NDUFAF6: variants seen among roughly 807,000 people sequenced by gnomAD.
NDUFAF6 encodes NADH dehydrogenase (ubiquinone) complex I, assembly factor 6.
Under a neutral mutation model 40.8 loss-of-function variants are expected in NDUFAF6, and 45 were observed. The observed-to-expected ratio is 1.10, with a 90% CI of 0.87 to 1.42. The LOEUF (loss-of-function observed/expected upper bound fraction) is 1.42, where lower values mean the gene tolerates loss of function less well. NDUFAF6 is among the 40% of genes most tolerant of loss of function. The pLI, the probability that NDUFAF6 is intolerant of heterozygous loss-of-function variation, is 0.00. For missense variants in NDUFAF6, 435 were observed against 418.5 expected (o/e 1.04, Z -0.34); for synonymous variants, 185 against 155.9 (o/e 1.19, Z -1.39).
chr8:94,964,289 C>T (rs1452148271), intron 1 of NDUFAF6, among the ~76,000 whole-genome samples: 4 of 151,942 alleles, frequency 2.6e-5, no homozygotes, highest in African/African-American at 4.8e-5. Context: ...ATTAGCTGGG[C>T]ATGATGGCAC....
chr8:95,097,881 A>G (rs1369451081), upstream of NDUFAF6, among the ~76,000 whole-genome samples: 1 of 152,228 alleles, frequency 6.6e-6, no homozygotes, highest in East Asian at 1.9e-4. Context: ...CAAATTCCTC[A>G]TCTGTGGCTA....
At position 95,043,724 on chromosome 8, in the gene NDUFAF6, T is replaced by A. The variant is rs183709272; in HGVS notation, c.478-1821T>A. Among the ~76,000 whole-genome samples the A allele has an allele frequency of 2.4e-4, 36 of 152,296 alleles. 2 individuals are homozygous for A. The East Asian group carries it at 6.9e-3, about 29-fold the overall frequency. ...TGGCTGTGATAAAAAAGAAAAAAGATGCACGATAACAAGTATTGGTGAGAA... is the reference window on the plus strand; with the variant it reads ...TGGCTGTGATAAAAAAGAAAAAAGAAGCACGATAACAAGTATTGGTGAGAA... On this transcript the variant is annotated intron_variant, in intron 4 of 8. Transcript: ENST00000396124.
intron 2 of NDUFAF6, among the ~76,000 whole-genome samples, chr8:95,083,187 A>T (rs1403871873): frequency 6.6e-6 from 1 of 152,150 alleles, no homozygotes; most frequent in Non-Finnish European, 1.5e-5. Context: ...TGATGCTAAA[A>T]TTTTTTTGAT....
At chr8:94,974,784 G>T in intron 1 of NDUFAF6, 1 of 175,262 alleles carries the variant, frequency 5.7e-6, no homozygotes, top group Admixed American at 5.6e-5. Flanking sequence ...CAGTAGCCAA[G>T]CCTTTCCTTG....
At chr8:95,070,711 A>G (rs181816747) in intron 9 of NDUFAF6, among the ~76,000 whole-genome samples, 15 of 152,322 alleles carry the variant, frequency 9.8e-5, no homozygotes, top group Non-Finnish European at 2.1e-4. Flanking sequence ...ATATACTAAA[A>G]CCATTAACGT....
At chr8:95,096,973 AG>A (rs1288771734), upstream of NDUFAF6, among the ~76,000 whole-genome samples, 1 of 152,250 alleles carries the variant, frequency 6.6e-6, no homozygotes, top group Admixed American at 6.5e-5. Flanking sequence ...GGGGCTAGGC[AG>A]GGACCTCTAG....
At chr8:94,948,848 C>G (rs1822265426) in intron 2 of NDUFAF6, among the ~76,000 whole-genome samples, 1 of 152,010 alleles carries the variant, frequency 6.6e-6, no homozygotes, top group African/African-American at 2.4e-5. Context: ...AGGCAGAGAC[C>G]AAACTCCCAA....
chr8:95,108,183 T>G (rs1587284480), downstream of NDUFAF6, among the ~76,000 whole-genome samples: 3 of 152,072 alleles, frequency 2.0e-5, no homozygotes, highest in African/African-American at 7.2e-5. Context: ...AAATATAGAA[T>G]TACAATTTTA....
chr8:94,934,170 G>A (rs1053265167), intron 1 of NDUFAF6, among the ~76,000 whole-genome samples: 1 of 151,122 alleles, frequency 6.6e-6, no homozygotes, highest in Non-Finnish European at 1.5e-5. Context: ...ACACAATCTG[G>A]AAGGATATAC....
chr8:94,911,206 T>C (rs1204713161), intron 1 of NDUFAF6, among the ~76,000 whole-genome samples: 5 of 152,214 alleles, frequency 3.3e-5, no homozygotes, highest in African/African-American at 1.2e-4. Flanking sequence ...TGTGATTCTT[T>C]AATAAAGTGA....
intron 1 of NDUFAF6, among the ~76,000 whole-genome samples, chr8:94,973,436 C>G (rs112105011): frequency 6.6e-6 from 1 of 151,898 alleles, no homozygotes; most frequent in Non-Finnish European, 1.5e-5. Context: ...GGGCTGGGTG[C>G]GGTGGCTCAC....
chr8:95,114,387 G>A (rs1253248344), intron 4 of NDUFAF6, among the ~76,000 whole-genome samples: 1 of 152,210 alleles, frequency 6.6e-6, no homozygotes. Flanking sequence ...AGCAGCTGGT[G>A]CTGTGAGTTC....
intron 1 of NDUFAF6, among the ~76,000 whole-genome samples, chr8:94,906,842 C>A (rs1267483856): frequency 6.6e-6 from 1 of 152,172 alleles, no homozygotes; most frequent in Non-Finnish European, 1.5e-5. Flanking sequence ...TGTGCTTTAT[C>A]TATTTGTATA....
chr8:95,025,314 T>C, intron 1 of NDUFAF6, 109 bp downstream of exon 1: 1 of 1,135,886 alleles, frequency 8.8e-7, no homozygotes, highest in Non-Finnish European at 1.1e-6. Context: ...GGCGCCTTCC[T>C]CGTGCCCCTC....
intron 2 of NDUFAF6, among the ~76,000 whole-genome samples, chr8:95,095,237 G>A (rs1809417566): frequency 6.6e-6 from 1 of 152,216 alleles, no homozygotes; most frequent in Non-Finnish European, 1.5e-5. Flanking sequence ...AATTTGCACA[G>A]TGTGCCTCAG....
intron 9 of NDUFAF6, among the ~76,000 whole-genome samples, chr8:95,064,664 C>T (rs1475990835): frequency 6.6e-6 from 1 of 151,966 alleles, no homozygotes; most frequent in East Asian, 1.9e-4. Context: ...AAGCAGGCCT[C>T]GGAAAACAAT....
At chr8:95,030,006 C>T (rs984948332) in intron 1 of NDUFAF6, among the ~76,000 whole-genome samples, 1 of 151,960 alleles carries the variant, frequency 6.6e-6, no homozygotes, top group Non-Finnish European at 1.5e-5. Context: ...CAAACTTTTA[C>T]CCCTTTAACA....
At chr8:95,033,658 A>AT (rs1467681142) in intron 2 of NDUFAF6, among the ~76,000 whole-genome samples, 1 of 152,184 alleles carries the variant, frequency 6.6e-6, no homozygotes, top group Non-Finnish European at 1.5e-5. Context: ...AGGGGTTCCT[A>AT]TTTTATGTAG....
At chr8:95,059,712 TGTG>T (rs1282016799), downstream of NDUFAF6, among the ~76,000 whole-genome samples, 3 of 151,806 alleles carry the variant, frequency 2.0e-5, no homozygotes, top group African/African-American at 4.8e-5. Context: ...AGCCAGGTGT[TGTG>T]GTGGGAGCCT....
Sources: allele counts gnomAD v4.1 joint callset (sites outside exome capture counted in the v4.1 genomes callset), GRCh38; gene constraint gnomAD v4.1.1; transcripts MANE v1.5; gene names NCBI Gene and HGNC (gene_info 2026-07-23, HGNC 2026-07-21).